Variants in PPIL6 observed in about 807,000 individuals in gnomAD.
The protein encoded by PPIL6 is peptidylprolyl isomerase like 6, also known as probable inactive peptidyl-prolyl cis-trans isomerase-like 6.
In PPIL6, 39 loss-of-function variants were observed where a neutral mutation model predicts 36.8. The ratio of observed to expected loss-of-function variants is 1.06; its 90% confidence interval spans 0.82 to 1.38. The LOEUF (loss-of-function observed/expected upper bound fraction) is 1.38, where lower values mean the gene tolerates loss of function less well. Among genes scored for constraint, PPIL6 ranks in the 40% most tolerant of loss-of-function variants. The pLI is 0.00. For missense variants in PPIL6, 368 were observed against 379.1 expected (o/e 0.97, Z 0.24); for synonymous variants, 123 against 134.1 (o/e 0.92, Z 0.57).
At chr6:109,409,407 C>A (rs1772924834) in intron 6 of PPIL6, among the ~76,000 whole-genome samples, 1 of 151,794 alleles carries the variant, frequency 6.6e-6, no homozygotes, top group African/African-American at 2.4e-5. Flanking sequence ...ATTAAAAATA[C>A]AAAAAAATTA....
intron 1 of PPIL6, chr6:109,440,170 G>A (rs966248597): frequency 2.0e-6 from 1 of 504,990 alleles, no homozygotes; most frequent in African/African-American, 2.0e-5. Flanking sequence ...GTGTGTCTCG[G>A]AGGGGATTAC....
chr6:109,418,837 T>C (rs1773398275), intron 6 of PPIL6, among the ~76,000 whole-genome samples: 1 of 152,174 alleles, frequency 6.6e-6, no homozygotes, highest in Non-Finnish European at 1.5e-5. Context: ...CCACCATACC[T>C]GGCCACCTGA....
At chr6:109,429,740 G>A (rs1380443080) in intron 3 of PPIL6, among the ~76,000 whole-genome samples, 1 of 152,234 alleles carries the variant, frequency 6.6e-6, no homozygotes, top group East Asian at 1.9e-4. Context: ...TCCCTGCAGT[G>A]TGACTCTGGC....
In PPIL6 at chr6:109,413,071, T is replaced by G. The variant is rs1354502466; in HGVS notation, c.688+6116A>C. ...TATTTGGGAGGCTGAGGGAGGAGAA[T>G]TGCTTGAACCCAGGCAGCGGAGGTT... On this transcript the variant is annotated intron_variant, in intron 6 of 7. Transcript: ENST00000521072. The surrounding 1 kb of genome is among the most constrained non-coding windows in gnomAD (Gnocchi z 4.6). 6.6e-6 allele frequency among the ~76,000 whole-genome samples: 1 copy of G among 152,082 alleles called. No individual in the cohort carries two copies. The highest frequency in any genetic ancestry group is 1.5e-5 in the Non-Finnish European group (1 of 68,026).
At chr6:109,431,108 A>G (rs759031499) in intron 3 of PPIL6, 49 bp downstream of exon 3, 1 of 1,312,282 alleles carries the variant, frequency 7.6e-7, no homozygotes, top group Non-Finnish European at 1.1e-6. Flanking sequence ...GAATCAATAT[A>G]AAGGGTCAAA....
chr6:109,419,045 C>T, intron 6 of PPIL6, 142 bp downstream of exon 6: 1 of 608,700 alleles, frequency 1.6e-6, no homozygotes, highest in South Asian at 2.2e-5. Context: ...GGCGCTTCCC[C>T]CCGATCTGCT....
intron 6 of PPIL6, among the ~76,000 whole-genome samples, chr6:109,403,914 G>A (rs1327062838): frequency 6.6e-6 from 1 of 152,140 alleles, no homozygotes; most frequent in Non-Finnish European, 1.5e-5. Flanking sequence ...ACATTCCCAG[G>A]CAGGTGAAGG....
chr6:109,431,381 A>C, intron 2 of PPIL6, 36 bp from the exon 3 acceptor site: 1 of 1,426,198 alleles, frequency 7.0e-7, no homozygotes, highest in Non-Finnish European at 9.5e-7. Flanking sequence ...AAAAAAACGT[A>C]AGAAGTGGGG....
chr6:109,440,374 G>A, intron 1 of PPIL6, 82 bp downstream of exon 1: 5 of 1,476,616 alleles, frequency 3.4e-6, no homozygotes, highest in Non-Finnish European at 4.6e-6. Context: ...GCCGCCTCGA[G>A]GAGGCGCGGC....
chr6:109,421,116 C>T (rs1773521942), intron 5 of PPIL6, among the ~76,000 whole-genome samples: 1 of 152,210 alleles, frequency 6.6e-6, no homozygotes, highest in African/African-American at 2.4e-5. Flanking sequence ...ACTTACCTAC[C>T]CGTTGGTCAC....
intron 6 of PPIL6, among the ~76,000 whole-genome samples, chr6:109,416,225 A>G (rs11153177): frequency 0.31 from 43,061 of 138,780 alleles, 6,789 homozygotes; most frequent in Middle Eastern, 0.41. Context: ...TTTTTGAGAC[A>G]AGAGTCTTAC....
In PPIL6 at chr6:109,413,391, G is replaced by A. The variant is rs1172062362; in HGVS notation, c.688+5796C>T. ...CAACACCACTGATCATCAGAGAAACGTAAACCCAAACTACAACGAGATATC... is the reference window on the plus strand; with the variant it reads ...CAACACCACTGATCATCAGAGAAACATAAACCCAAACTACAACGAGATATC... On this transcript the variant is annotated intron_variant, in intron 6 of 7. Transcript: ENST00000521072. The surrounding 1 kb of genome is among the most constrained non-coding windows in gnomAD (Gnocchi z 4.6). Among the ~76,000 whole-genome samples the A allele has an allele frequency of 1.3e-5, 2 of 152,156 alleles. No individual in the cohort carries two copies. Among genetic ancestry groups the A allele is most frequent in the East Asian group, 3.8e-4 (2 of 5,202 alleles).
At chr6:109,402,433 G>A (rs573690096) in intron 6 of PPIL6, among the ~76,000 whole-genome samples, 1 of 152,194 alleles carries the variant, frequency 6.6e-6, no homozygotes, top group East Asian at 1.9e-4. Flanking sequence ...CCACTTAGGA[G>A]GCTTAGGCAC....
chr6:109,406,783 C>T (rs776779772), intron 6 of PPIL6, among the ~76,000 whole-genome samples: 3 of 152,082 alleles, frequency 2.0e-5, no homozygotes, highest in Admixed American at 2.0e-4. Context: ...TTTATAATAT[C>T]ATTATAAACT....
intron 4 of PPIL6, 38 bp downstream of exon 4, chr6:109,427,056 C>A (rs376066809): frequency 5.0e-6 from 8 of 1,595,440 alleles, no homozygotes; most frequent in Non-Finnish European, 6.0e-6. Flanking sequence ...AGTTATAGAT[C>A]CTACCCCCAC....
At chr6:109,416,171 C>T (rs954292088) in intron 6 of PPIL6, among the ~76,000 whole-genome samples, 16 of 148,722 alleles carry the variant, frequency 1.1e-4, no homozygotes, top group African/African-American at 3.7e-4. Flanking sequence ...ATAGTGCTTG[C>T]TTCTCTTACT....
chr6:109,411,833 T>C (rs915049749), intron 6 of PPIL6, among the ~76,000 whole-genome samples: 1 of 152,238 alleles, frequency 6.6e-6, no homozygotes, highest in Admixed American at 6.5e-5. Context: ...CCTCCAGTGC[T>C]AGGCAGGGCC....
chr6:109,425,056 G>C (rs1400223943), intron 5 of PPIL6, among the ~76,000 whole-genome samples: 1 of 152,176 alleles, frequency 6.6e-6, no homozygotes, highest in African/African-American at 2.4e-5. Context: ...TCTGGATCAT[G>C]GGAACTGGAC....
chr6:109,414,548 AAT>A (rs1773163717), intron 6 of PPIL6, among the ~76,000 whole-genome samples: 1 of 131,580 alleles, frequency 7.6e-6, no homozygotes, highest in African/African-American at 3.0e-5. Flanking sequence ...GCAGTGGTGC[AAT>A]CTTGGCTCAC....
Sources: allele counts gnomAD v4.1 joint callset (sites outside exome capture counted in the v4.1 genomes callset), GRCh38; gene constraint gnomAD v4.1.1; non-coding constraint Gnocchi (gnomAD v3.1); transcripts MANE v1.5; gene names NCBI Gene and HGNC (gene_info 2026-07-23, HGNC 2026-07-21).